SLC2A3: variants seen among roughly 807,000 people sequenced by gnomAD.
The protein encoded by SLC2A3 is solute carrier family 2, facilitated glucose transporter member 3.
Under a neutral mutation model 46.4 loss-of-function variants are expected in SLC2A3, and 21 were observed. The observed-to-expected ratio is 0.45, with a 90% CI of 0.32 to 0.65. The LOEUF (loss-of-function observed/expected upper bound fraction) is 0.65. Among genes scored for constraint, SLC2A3 ranks in the 30% least tolerant of loss-of-function variants. SLC2A3 has a pLI of 0.04. For missense variants in SLC2A3, 499 were observed against 623.3 expected, an observed-to-expected ratio of 0.80 and a Z score of 2.12; for synonymous variants, 213 against 239.4, an observed-to-expected ratio of 0.89 and a Z score of 1.02.
chr12:7,932,329 C>G (rs989039605), intron 3 of SLC2A3, among the ~76,000 whole-genome samples: 2 of 151,974 alleles, frequency 1.3e-5, no homozygotes, highest in African/African-American at 4.8e-5. Context: ...AGGTGCCTGT[C>G]ACTACGCCCG....
intron 7 of SLC2A3, chr12:7,925,478 T>C (rs934045258): frequency 1.9e-4 from 37 of 191,142 alleles, no homozygotes; most frequent in Non-Finnish European, 3.8e-4. Flanking sequence ...ACGGAACTGA[T>C]TGCACACCTC....
intron 1 of SLC2A3, among the ~76,000 whole-genome samples, chr12:7,935,739 C>G (rs1351004335): frequency 2.0e-5 from 3 of 152,142 alleles, no homozygotes; most frequent in South Asian, 2.1e-4. Flanking sequence ...CCTCTAAACA[C>G]TCAACCATCT....
chr12:7,931,754 TGACAGAGCAA>T (rs1332767744), intron 3 of SLC2A3, among the ~76,000 whole-genome samples: 8 of 151,586 alleles, frequency 5.3e-5, no homozygotes, highest in Non-Finnish European at 1.0e-4. Flanking sequence ...CCAGCCCGGG[TGACAGAGCAA>T]GACCCTCTTT....
rs369897298 is a variant in SLC2A3, at chr12:7,924,398, A to C, written c.1068+12T>G. On this transcript the variant is annotated intron_variant, in intron 8 of 9. Coordinates refer to ENST00000075120, the MANE Select transcript of SLC2A3 (RefSeq NM_006931.3). ...TTCCCCCTCCCTTTTTTTTCACCCA[A>C]AGAGCACCTACCTTTAATAACAAAG... The C allele has an allele frequency of 8.8e-4, 1,413 of 1,609,436 alleles. 1 individual carries two copies. Among genetic ancestry groups the C allele is most frequent in the South Asian group, 5.0e-3 (452 of 90,532 alleles).
At chr12:7,923,338 A>G (rs1946058746) in intron 8 of SLC2A3, 1 of 238,210 alleles carries the variant, frequency 4.2e-6, no homozygotes, top group Non-Finnish European at 8.1e-6. Flanking sequence ...CTGCCTAATT[A>G]AAAAAAAATT....
At chr12:7,928,411 A>G (rs1229094629) in intron 6 of SLC2A3, among the ~76,000 whole-genome samples, 1 of 151,850 alleles carries the variant, frequency 6.6e-6, no homozygotes, top group East Asian at 1.9e-4. Flanking sequence ...AAAAAAAAGA[A>G]TGTACACACC....
rs1280177716 is a variant in SLC2A3 at position 7,922,916 on chromosome 12, A to C, written c.1177T>G (p.Phe393Val). Residue 393 changes from phenylalanine to valine, a missense_variant, in exon 9 of 10, where the codon TTC becomes GTC. Transcript: ENST00000075120. ...PIPWFIVAELFSQGPRPAAMA... is the reference protein window; with the variant it reads ...PIPWFIVAELVSQGPRPAAMA... ...GCAGCTGGGCGGGGGCCCTGGCTGA[A>C]GAGTTCGGCCACAATAAACCAGGGA... 6.2e-7 allele frequency: 1 copy of C among 1,614,202 alleles called. No individual in the cohort carries two copies. Among genetic ancestry groups the C allele is most frequent in the Non-Finnish European group, 8.5e-7 (1 of 1,180,040 alleles).
At chr12:7,930,960 C>G (rs1946147568) in intron 4 of SLC2A3, among the ~76,000 whole-genome samples, 1 of 151,862 alleles carries the variant, frequency 6.6e-6, no homozygotes, top group Non-Finnish European at 1.5e-5. Context: ...CCACGCCCGA[C>G]CAATTTTTTG....
intron 1 of SLC2A3, among the ~76,000 whole-genome samples, chr12:7,934,205 G>A (rs1946189494): frequency 6.6e-6 from 1 of 152,106 alleles, no homozygotes; most frequent in Non-Finnish European, 1.5e-5. Context: ...GGCAAATGTA[G>A]GCATAGAATT....
At chr12:7,933,458 G>T in intron 2 of SLC2A3, 2 of 481,616 alleles carry the variant, frequency 4.2e-6, no homozygotes, top group South Asian at 2.7e-5. Context: ...GTGAAAGAGT[G>T]GGAGGAAGAA....
chr12:7,930,292 A>T (rs1592357122), intron 5 of SLC2A3, 188 bp downstream of exon 5: 1 of 629,334 alleles, frequency 1.6e-6, no homozygotes, highest in Non-Finnish European at 2.6e-6. Context: ...GATAGCATCC[A>T]TTCCTAAACC....
In SLC2A3 at chr12:7,919,479, T is replaced by C. The variant is rs768834507; in HGVS notation, c.*1934A>G. 128 of 151,962 alleles carry C rather than the reference T, an allele frequency of 8.4e-4. No homozygotes were observed. Among genetic ancestry groups the C allele is most frequent in the African/African-American group, 2.8e-3 (116 of 41,408 alleles). The allele number at this position is 151,962 out of a possible 1,614,324, so 9.4% of individuals were successfully genotyped here. A position where few individuals can be genotyped will look rare whatever the true frequency, so the allele number is the denominator to read the frequency against. The stretch of plus-strand genomic sequence containing the variant: ...CCCTGTGGCCCAGGCTAGAGTGCAA[T>C]GATGCGATCTCCGCTCACTGCAACC... On this transcript the variant is annotated 3_prime_UTR_variant, in exon 10 of 10. Coordinates refer to ENST00000075120, the MANE Select transcript of SLC2A3 (RefSeq NM_006931.3).
chr12:7,932,053 TG>T (rs1946161404), intron 3 of SLC2A3, among the ~76,000 whole-genome samples: 1 of 151,388 alleles, frequency 6.6e-6, no homozygotes, highest in African/African-American at 2.4e-5. Flanking sequence ...GCTAATTTTT[TG>T]TATTTTTAGT....
chr12:7,927,108 C>A (rs1326070645), intron 6 of SLC2A3, among the ~76,000 whole-genome samples: 12 of 152,054 alleles, frequency 7.9e-5, no homozygotes, highest in Admixed American at 2.6e-4. Flanking sequence ...CGAAACAACT[C>A]TTTAAATCCC....
At chr12:7,933,485 T>C (rs767145019) in intron 2 of SLC2A3, 2 of 467,000 alleles carry the variant, frequency 4.3e-6, no homozygotes, top group South Asian at 2.7e-5. Context: ...CGCCCAGCGT[T>C]CCGGGAGTAA....
rs79854662 is a variant in SLC2A3 at position 7,933,511 on chromosome 12, C to T, written c.108+299G>A. ...CCGGGAGTAAGTGAGCTTTGTGCTTCGATTAGATGACCCCACTAATTTTCC... is the reference window on the plus strand; with the variant it reads ...CCGGGAGTAAGTGAGCTTTGTGCTTTGATTAGATGACCCCACTAATTTTCC... On this transcript the variant is annotated intron_variant, in intron 2 of 9. Coordinates refer to ENST00000075120, the MANE Select transcript of SLC2A3 (RefSeq NM_006931.3). The T allele has an allele frequency of 9.7e-3, 4,485 of 462,448 alleles. 45 individuals carry two copies. The highest frequency in any genetic ancestry group is 0.013 in the Non-Finnish European group (3,230 of 257,370). 28.6% of individuals were successfully genotyped at this position (462,448 alleles called of 1,614,324 possible).
chr12:7,934,434 A>C (rs569446905), intron 1 of SLC2A3, among the ~76,000 whole-genome samples: 4 of 152,086 alleles, frequency 2.6e-5, no homozygotes, highest in Non-Finnish European at 4.4e-5. Context: ...GGATCTACTC[A>C]CTGCATCCTG....
chr12:7,927,762 G>T (rs1208271624), intron 6 of SLC2A3, among the ~76,000 whole-genome samples: 1 of 152,026 alleles, frequency 6.6e-6, no homozygotes, highest in African/African-American at 2.4e-5. Flanking sequence ...TGACTAAATT[G>T]GGAGCCAGCT....
Position 7,933,076 on chromosome 12 carries a change from C to A in SLC2A3, c.180G>T (p.Thr60=). 6.2e-7 allele frequency: 1 copy of A among 1,614,102 alleles called. No individual in the cohort carries two copies. Among genetic ancestry groups the A allele is most frequent in the Non-Finnish European group, 8.5e-7 (1 of 1,180,018 alleles). The change falls in exon 3 of 10, where the codon ACG becomes ACT. Residue 60 remains threonine, a synonymous_variant. Transcript: ENST00000075120. ...TGGCCACAGACAAGGACCAGAGAGACGTGAGCAGCACCTCAGAGGGTGGGG... is the reference window on the plus strand; with the variant it reads ...TGGCCACAGACAAGGACCAGAGAGAAGTGAGCAGCACCTCAGAGGGTGGGG... The part of the protein sequence containing the change: ...GNAPPSEVLL[T]SLWSLSVAIF...
Sources: gnomAD v4.1 joint callset for allele counts (sites outside exome capture counted in the v4.1 genomes callset) on GRCh38, gnomAD v4.1.1 for gene constraint, MANE v1.5 for transcripts, NCBI Gene and HGNC (gene_info 2026-07-23, HGNC 2026-07-21) for gene names.